The following CNNM2 variants were observed in gnomAD, a reference collection of about 807,000 sequenced individuals.
CNNM2 encodes the protein metal transporter CNNM2.
Under a neutral mutation model 66.9 loss-of-function variants are expected in CNNM2, and 12 were observed. That is an observed-to-expected ratio of 0.18 (90% CI 0.11 to 0.29). CNNM2 has a LOEUF of 0.29. Ranked by LOEUF, CNNM2 falls within the 10% of genes least tolerant of loss-of-function variation. CNNM2 has a pLI of 1.00. For synonymous variants in CNNM2, 557 were observed against 501.8 expected (o/e 1.11, Z -1.47); for missense variants, 705 against 1,167.7 (o/e 0.60, Z 5.77).
intron 1 of CNNM2, among the ~76,000 whole-genome samples, chr10:103,041,301 T>C (rs139670955): frequency 3.9e-5 from 6 of 152,208 alleles, no homozygotes; most frequent in Admixed American, 3.9e-4. Context: ...GTGAAACTTA[T>C]GCAGCTGTGT....
At chr10:102,939,612 A>G (rs531440685) in intron 1 of CNNM2, among the ~76,000 whole-genome samples, 1 of 152,114 alleles carries the variant, frequency 6.6e-6, no homozygotes. Context: ...GTCTCCTTCC[A>G]TGTTCTTTTT....
At chr10:103,070,099 C>T (rs185086903) in intron 5 of CNNM2, among the ~76,000 whole-genome samples, 26 of 152,320 alleles carry the variant, frequency 1.7e-4, no homozygotes, top group Non-Finnish European at 3.5e-4. Flanking sequence ...GTGTTTGAGT[C>T]CTGGAGGCAC....
intron 1 of CNNM2, among the ~76,000 whole-genome samples, chr10:102,926,993 A>C (rs762558550): frequency 6.6e-6 from 1 of 151,982 alleles, no homozygotes; most frequent in Non-Finnish European, 1.5e-5. Flanking sequence ...TGCTGGGATT[A>C]CAAGCATGAG....
chr10:102,949,000 T>C (rs1846722754), intron 1 of CNNM2, among the ~76,000 whole-genome samples: 1 of 152,222 alleles, frequency 6.6e-6, no homozygotes, highest in African/African-American at 2.4e-5. Context: ...TCACATACGC[T>C]GCTCTCTTTT....
At chr10:103,016,432 C>G (rs981048987) in intron 1 of CNNM2, among the ~76,000 whole-genome samples, 2 of 152,118 alleles carry the variant, frequency 1.3e-5, no homozygotes, top group African/African-American at 4.8e-5. Context: ...AGACAGCATT[C>G]TAGGCACAGA....
At chr10:103,069,540 T>TG in intron 5 of CNNM2, among the ~76,000 whole-genome samples, 1 of 152,248 alleles carries the variant, frequency 6.6e-6, no homozygotes, top group East Asian at 1.9e-4. Flanking sequence ...TGACTGCCTG[T>TG]GGCCGGCTCT....
chr10:103,033,902 TCTC>T (rs2064878765), intron 1 of CNNM2, among the ~76,000 whole-genome samples: 1 of 152,180 alleles, frequency 6.6e-6, no homozygotes, highest in Non-Finnish European at 1.5e-5. Flanking sequence ...GCATCTTTTT[TCTC>T]CTCTATAATG....
chr10:103,015,180 C>T (rs2134277262), intron 1 of CNNM2, among the ~76,000 whole-genome samples: 1 of 152,274 alleles, frequency 6.6e-6, no homozygotes, highest in Admixed American at 6.5e-5. Flanking sequence ...ATTTACCCAA[C>T]CAAGGTGGAC....
chr10:103,053,226 GC>G (rs1468408916), intron 2 of CNNM2, among the ~76,000 whole-genome samples: 1 of 152,190 alleles, frequency 6.6e-6, no homozygotes, highest in African/African-American at 2.4e-5. Flanking sequence ...TAAAATTGTT[GC>G]AAAATGGCTA....
At chr10:102,950,695 A>G (rs1427259543) in intron 1 of CNNM2, among the ~76,000 whole-genome samples, 1 of 152,088 alleles carries the variant, frequency 6.6e-6, no homozygotes, top group African/African-American at 2.4e-5. Context: ...TCAAGGTTGT[A>G]TAGAGCTATG....
At chr10:102,954,797 TC>T (rs2134195730) in intron 1 of CNNM2, among the ~76,000 whole-genome samples, 1 of 152,270 alleles carries the variant, frequency 6.6e-6, no homozygotes, top group South Asian at 2.1e-4. Context: ...CAAGGGGACT[TC>T]ATTTTTTGAG....
intron 1 of CNNM2, among the ~76,000 whole-genome samples, chr10:103,037,295 T>C (rs1270359757): frequency 6.7e-6 from 1 of 149,630 alleles, no homozygotes; most frequent in Non-Finnish European, 1.5e-5. Context: ...TTATATATAA[T>C]ACATTTTCAT....
intron 4 of CNNM2, among the ~76,000 whole-genome samples, chr10:103,061,404 T>C (rs1309152843): frequency 6.6e-6 from 1 of 151,940 alleles, no homozygotes; most frequent in Non-Finnish European, 1.5e-5. Flanking sequence ...AAAATATATA[T>C]AATAATAATT....
chr10:102,959,303 G>A (rs185290626), intron 1 of CNNM2, among the ~76,000 whole-genome samples: 11 of 152,274 alleles, frequency 7.2e-5, no homozygotes, highest in African/African-American at 2.6e-4. Flanking sequence ...CTTCTATTCA[G>A]GAGGGATTCT....
intron 1 of CNNM2, among the ~76,000 whole-genome samples, chr10:102,980,314 G>A (rs1023762616): frequency 6.7e-6 from 1 of 149,178 alleles, no homozygotes; most frequent in South Asian, 2.1e-4. Flanking sequence ...TTTTATTTCA[G>A]TTTTAGTGGG....
chr10:103,033,864 A>G lies in CNNM2; in HGVS notation c.1622-15843A>G, dbSNP rs550946217. Reference sequence around the variant, plus strand: ...TAGGAATTATGAAGGAATCTATAATAGAGAACACTGGGTTTTAAAAGTTGT... The same window carrying G: ...TAGGAATTATGAAGGAATCTATAATGGAGAACACTGGGTTTTAAAAGTTGT... On this transcript the variant is annotated intron_variant, in intron 1 of 7. Coordinates refer to ENST00000369878, the MANE Select transcript of CNNM2 (RefSeq NM_017649.5). Among the ~76,000 whole-genome samples the G allele has an allele frequency of 3.3e-5, 5 of 152,344 alleles. No individual in the cohort carries two copies. The East Asian group carries it at 9.6e-4, about 29-fold the overall frequency.
rs1422837475 is a variant in CNNM2, at chr10:102,918,630, G to C, written c.150G>C (p.Pro50=). 3.9e-6 allele frequency: 6 copies of C among 1,543,268 alleles called. No individual in the cohort carries two copies. The highest frequency in any genetic ancestry group is 5.2e-6 in the Non-Finnish European group (6 of 1,145,334). Residue 50 remains proline (P), a synonymous_variant, in exon 1 of 8, where the codon CCG becomes CCC. Transcript: ENST00000369878. The surrounding 1 kb of genome is among the most constrained non-coding windows in gnomAD (Gnocchi z 4.1). ...AGGCGGCTGCGGGGCGGCTGCTGCC[G>C]CTGCTCCTGCTGAGCTGCTGCTGCG... ...ILQAAAGRLL[P]LLLLSCCCGA...
intron 6 of CNNM2, among the ~76,000 whole-genome samples, chr10:103,073,215 A>G (rs755714857): frequency 5.9e-5 from 9 of 152,240 alleles, no homozygotes; most frequent in Admixed American, 2.6e-4. Context: ...AACAGAGGGC[A>G]GTGGGGCGAG....
chr10:102,942,241 A>G (rs1200821662), intron 1 of CNNM2, among the ~76,000 whole-genome samples: 1 of 152,194 alleles, frequency 6.6e-6, no homozygotes, highest in African/African-American at 2.4e-5. Context: ...TATTAAGTAC[A>G]TTCACATGGT....
Sources: gnomAD v4.1 joint callset for allele counts (sites outside exome capture counted in the v4.1 genomes callset) on GRCh38, gnomAD v4.1.1 for gene constraint, Gnocchi (gnomAD v3.1) non-coding constraint, MANE v1.5 for transcripts, NCBI Gene and HGNC (gene_info 2026-07-23, HGNC 2026-07-21) for gene names.